Variants in FBN2 observed in about 807,000 individuals in gnomAD.
The protein encoded by FBN2 is fibrillin-2.
Under a neutral mutation model 355.6 loss-of-function variants are expected in FBN2, and 105 were observed. The ratio of observed to expected loss-of-function variants is 0.30; its 90% CI spans 0.25 to 0.35. The LOEUF is 0.35. Ranked by LOEUF, FBN2 falls within the 10% of genes least tolerant of loss-of-function variation. The probability of loss-of-function intolerance (pLI) is 1.00; values close to 1 mark genes in which losing one functional copy is unlikely to be tolerated. For synonymous variants in FBN2, 1,350 were observed against 1,301.2 expected (o/e 1.04, Z -0.81); for missense variants, 3,280 against 3,758.7 (o/e 0.87, Z 3.33).
chr5:128,479,930 G>GTCTCTCTCTCTC (rs1180726296), intron 5 of FBN2, among the ~76,000 whole-genome samples: 1 of 58,152 alleles, frequency 1.7e-5, no homozygotes, highest in East Asian at 8.7e-4. Context: ...TTGTCTCCTT[G>GTCTCTCTCTCTC]TCTCTCTCTC....
intron 8 of FBN2, among the ~76,000 whole-genome samples, 173 bp from the exon 9 acceptor site, chr5:128,395,447 C>T (rs1319467696): frequency 6.6e-6 from 1 of 152,108 alleles, no homozygotes; most frequent in African/African-American, 2.4e-5. Context: ...AGGGACAGAA[C>T]AATGAAAGAC....
At chr5:128,381,354 A>C (rs1252110928) in intron 11 of FBN2, among the ~76,000 whole-genome samples, 2 of 152,018 alleles carry the variant, frequency 1.3e-5, no homozygotes, top group Admixed American at 1.3e-4. Flanking sequence ...TCCTTTAATA[A>C]ATCTATTGCC....
chr5:128,484,084 C>T (rs1755267747), intron 5 of FBN2, among the ~76,000 whole-genome samples: 2 of 152,190 alleles, frequency 1.3e-5, no homozygotes, highest in Admixed American at 1.3e-4. Flanking sequence ...GCAGAATTCC[C>T]TTCCATTTTC....
chr5:128,494,839 C>A (rs1307696405), intron 5 of FBN2, among the ~76,000 whole-genome samples: 1 of 152,090 alleles, frequency 6.6e-6, no homozygotes, highest in Non-Finnish European at 1.5e-5. Context: ...TCAAAAGGTG[C>A]TGCAGTATCT....
intron 5 of FBN2, among the ~76,000 whole-genome samples, chr5:128,479,316 T>C (rs1755090868): frequency 6.6e-6 from 1 of 152,226 alleles, no homozygotes; most frequent in East Asian, 1.9e-4. Flanking sequence ...AAGCACGTGG[T>C]CTTATATTCC....
chr5:128,528,899 G>C (rs1484099533), intron 3 of FBN2, among the ~76,000 whole-genome samples: 1 of 152,210 alleles, frequency 6.6e-6, no homozygotes, highest in Non-Finnish European at 1.5e-5. Flanking sequence ...TAGCAGTGGA[G>C]ATGGAAAGGA....
intron 18 of FBN2, 124 bp downstream of exon 18, chr5:128,364,476 A>G: frequency 9.9e-7 from 1 of 1,007,952 alleles, no homozygotes; most frequent in South Asian, 1.6e-5. Context: ...TCAATGTGTA[A>G]TATGAAGAAA....
chr5:128,451,804 T>C (rs1754255821), intron 6 of FBN2, among the ~76,000 whole-genome samples: 1 of 152,130 alleles, frequency 6.6e-6, no homozygotes, highest in East Asian at 1.9e-4. Flanking sequence ...AGAAAAAATA[T>C]GGTAAAAGCT....
In FBN2 at chr5:128,280,288, T is replaced by C; in HGVS notation, c.7042A>G (p.Ile2348Val). 6.2e-6 allele frequency: 10 copies of C among 1,611,752 alleles called. No individual in the cohort carries two copies. Among genetic ancestry groups the C allele is most frequent in the Non-Finnish European group, 7.6e-6 (9 of 1,178,054 alleles). ...DENECRTKPGICENGRCVNII... is the reference protein window; with the variant it reads ...DENECRTKPGVCENGRCVNII... Reference sequence around the variant, plus strand: ...TTAACACAACGTCCATTTTCACAGATTCCTGGCTTGGTCCTGCATTCATTT... The same window carrying C: ...TTAACACAACGTCCATTTTCACAGACTCCTGGCTTGGTCCTGCATTCATTT... The change falls in exon 56 of 65, where the codon ATC (isoleucine) becomes GTC (valine). Residue 2348 changes from isoleucine (I) to valine (V), a missense_variant. By Grantham distance (29) the Ile-to-Val change is conservative. Coordinates refer to ENST00000262464, the MANE Select transcript of FBN2 (RefSeq NM_001999.4).
chr5:128,364,811 A>G (rs1751725060), intron 17 of FBN2, 86 bp from the exon 18 acceptor site: 6 of 1,165,600 alleles, frequency 5.1e-6, no homozygotes, highest in African/African-American at 4.5e-5. Flanking sequence ...ACCATTCAAC[A>G]TATGAAGTGT....
chr5:128,512,296 G>A (rs1054180876), intron 5 of FBN2, among the ~76,000 whole-genome samples: 1 of 152,066 alleles, frequency 6.6e-6, no homozygotes, highest in Non-Finnish European at 1.5e-5. Context: ...TGGATCACCT[G>A]AGGTCAGGAG....
chr5:128,512,762 C>G (rs778220396), intron 5 of FBN2, among the ~76,000 whole-genome samples: 3 of 151,966 alleles, frequency 2.0e-5, no homozygotes, highest in Non-Finnish European at 4.4e-5. Flanking sequence ...CTTTTTTCTC[C>G]CATTTGAGAG....
intron 11 of FBN2, among the ~76,000 whole-genome samples, chr5:128,384,845 A>T (rs536568209): frequency 6.6e-6 from 1 of 152,176 alleles, no homozygotes; most frequent in Admixed American, 6.5e-5. Flanking sequence ...TTTGACTAGT[A>T]TGTGCAAACA....
At chr5:128,384,774 GA>G (rs1259966388) in intron 11 of FBN2, among the ~76,000 whole-genome samples, 4 of 152,056 alleles carry the variant, frequency 2.6e-5, no homozygotes, top group African/African-American at 9.7e-5. Context: ...CAAGGCTCTA[GA>G]TGAAATTATA....
intron 56 of FBN2, among the ~76,000 whole-genome samples, chr5:128,279,669 T>G (rs1356927862): frequency 6.6e-6 from 1 of 152,180 alleles, no homozygotes; most frequent in Non-Finnish European, 1.5e-5. Flanking sequence ...GCACACTTTT[T>G]GCAGCTGCCA....
At position 128,423,132 on chromosome 5, in the gene FBN2, G is replaced by T. The variant is rs1302216278; in HGVS notation, c.953-14333C>A. On this transcript the variant is annotated intron_variant, in intron 7 of 64. Coordinates refer to ENST00000262464, the MANE Select transcript of FBN2 (RefSeq NM_001999.4). ...AGAATGCAGAAGAGAAAGGGGCCAG[G>T]AAAGACTTCCCTGGGAAAGTGACAG... 3.3e-5 allele frequency among the ~76,000 whole-genome samples: 5 copies of T among 152,068 alleles called. No individual in the cohort carries two copies. In the East Asian group the frequency reaches 7.7e-4, roughly 24 times the overall value.
intron 8 of FBN2, among the ~76,000 whole-genome samples, chr5:128,404,266 A>G (rs556017556): frequency 6.6e-6 from 1 of 152,362 alleles, no homozygotes; most frequent in South Asian, 2.1e-4. Flanking sequence ...TTTCTCATGT[A>G]TGGAAAACAC....
At position 128,393,150 on chromosome 5, in the gene FBN2, T is replaced by C; in HGVS notation, c.1450A>G (p.Ile484Val). 4 of 1,613,734 alleles carry C rather than the reference T, an allele frequency of 2.5e-6. No homozygotes were observed. The highest frequency in any genetic ancestry group is 3.4e-6 in the Non-Finnish European group (4 of 1,179,610). The change falls in exon 10 of 65, where the codon ATC becomes GTC. Residue 484 changes from isoleucine (I) to valine (V), a missense_variant. Ile to Val is a conservative substitution (Grantham distance 29). Transcript: ENST00000262464. The part of the protein sequence containing the change: ...AGVGAGGQGP[I>V]ITGLTILNQT... ...GACCACTTACTTAGTCCAGTGATGA[T>C]AGGTCCCTGTCCCCCGGCCCCCACA...
At chr5:128,397,252 C>A (rs1752674215) in intron 8 of FBN2, among the ~76,000 whole-genome samples, 1 of 152,142 alleles carries the variant, frequency 6.6e-6, no homozygotes, top group Admixed American at 6.5e-5. Context: ...TTGGAATATT[C>A]ATTTTATGAA....
Sources: allele counts gnomAD v4.1 joint callset (sites outside exome capture counted in the v4.1 genomes callset), GRCh38; gene constraint gnomAD v4.1.1; transcripts MANE v1.5; gene names NCBI Gene and HGNC (gene_info 2026-07-23, HGNC 2026-07-21).